Variants in CTSS observed in about 807,000 individuals in gnomAD.
CTSS encodes the protein cathepsin S.
Under a neutral mutation model 39.9 loss-of-function variants are expected in CTSS, and 15 were observed. The observed-to-expected ratio is 0.38, with a 90% CI of 0.25 to 0.58. CTSS has a LOEUF of 0.58. CTSS is among the 20% of genes least tolerant of loss of function. The pLI, the probability that CTSS is intolerant of heterozygous loss-of-function variation, is 0.70. For synonymous variants in CTSS, 126 were observed against 138.2 expected, an observed-to-expected ratio of 0.91 and a Z score of 0.62; for missense variants, 250 against 398.2, an observed-to-expected ratio of 0.63 and a Z score of 3.17.
intron 7 of CTSS, among the ~76,000 whole-genome samples, chr1:150,736,812 C>T (rs1030375211): frequency 6.6e-5 from 10 of 151,962 alleles, no homozygotes; most frequent in South Asian, 2.1e-4. Flanking sequence ...TATCTGAGGA[C>T]AAAGTCTTGC....
chr1:150,758,071 A>T lies in CTSS; in HGVS notation c.127-91T>A, dbSNP rs587631735. Reference sequence around the variant, plus strand: ...AATGGCAATTTTTTTTTTTTTTGAGATGGAGTCTCACTCTGTCACCCAAGC... The same window carrying T: ...AATGGCAATTTTTTTTTTTTTTGAGTTGGAGTCTCACTCTGTCACCCAAGC... On this transcript the variant is annotated intron_variant, in intron 2 of 7. Coordinates refer to ENST00000368985, the MANE Select transcript of CTSS (RefSeq NM_004079.5). 81 of 1,209,138 alleles carry T rather than the reference A, an allele frequency of 6.7e-5. 2 individuals are homozygous for T. The Middle Eastern group carries it at 1.3e-3, about 19-fold the overall frequency. 74.9% of individuals were successfully genotyped at this position (1,209,138 alleles called of 1,614,324 possible).
intron 1 of CTSS, among the ~76,000 whole-genome samples, chr1:150,765,131 G>T (rs1653345166): frequency 6.6e-6 from 1 of 150,962 alleles, no homozygotes; most frequent in Non-Finnish European, 1.5e-5. Flanking sequence ...CCTTAAGAGA[G>T]ACAAACCTCT....
intron 2 of CTSS, among the ~76,000 whole-genome samples, chr1:150,759,620 T>C (rs2101926071): frequency 6.6e-6 from 1 of 152,342 alleles, no homozygotes; most frequent in South Asian, 2.1e-4. Context: ...ATATATAGTC[T>C]TTTGAAAATT....
At chr1:150,757,708 C>T (rs11204722) in intron 3 of CTSS, 150 bp downstream of exon 3, 9 of 598,368 alleles carry the variant, frequency 1.5e-5, no homozygotes, top group African/African-American at 1.3e-4. Flanking sequence ...TTTCTGTACA[C>T]GTTCTTACGT....
Position 150,733,110 on chromosome 1 carries a change from C to A in CTSS, c.932G>T (p.Arg311Leu). The A allele has an allele frequency of 6.2e-7, 1 of 1,613,248 alleles. No individual in the cohort carries two copies. Among genetic ancestry groups the A allele is most frequent in the Non-Finnish European group, 8.5e-7 (1 of 1,179,602 alleles). ...ATGATTTCCTTTATTTCTTGCCATC[C>A]GAATATATCCTTCTTCACCAAAGTT... is the stretch of plus-strand genomic sequence containing the variant. ...GHNFGEEGYI[R>L]MARNKGNHCG... Residue 311 changes from arginine to leucine, a missense_variant, in exon 8 of 8, where the codon CGG becomes CTG. Coordinates refer to ENST00000368985, the MANE Select transcript of CTSS (RefSeq NM_004079.5).
chr1:150,733,572 A>G (rs1436117009), intron 7 of CTSS, among the ~76,000 whole-genome samples: 1 of 152,216 alleles, frequency 6.6e-6, no homozygotes, highest in East Asian at 1.9e-4. Flanking sequence ...TACTATGAAA[A>G]AGGTATAGGG....
At position 150,744,464 on chromosome 1, in the gene CTSS, AATATATTATATATTATAT is replaced by A. The variant is rs1375705047; in HGVS notation, c.896+3295_896+3312del. Among the ~76,000 whole-genome samples, 169 of 44,280 alleles carry A rather than the reference AATATATTATATATTATAT, an allele frequency of 3.8e-3. 8 individuals carry two copies. The highest frequency in any genetic ancestry group is 6.8e-3 in the Admixed American group (15 of 2,210). The allele number at this position is 44,280 out of a possible 152,430, so 29.0% of individuals were successfully genotyped here. A position where few individuals can be genotyped will look rare whatever the true frequency, so the allele number is the denominator to read the frequency against. The stretch of plus-strand genomic sequence containing the variant: ...TATTATATGTATATTATGTATACAT[AATATATTATATATTATAT>A]GTATATTATGTATACATAATATATT... On this transcript the variant is annotated intron_variant, in intron 7 of 7. Transcript: ENST00000368985.
chr1:150,749,329 A>G (rs1652956110), intron 6 of CTSS, among the ~76,000 whole-genome samples: 1 of 152,220 alleles, frequency 6.6e-6, no homozygotes, highest in Admixed American at 6.5e-5. Context: ...TCTGCTGAAC[A>G]CACAAATGAC....
Position 150,764,770 on chromosome 1 carries a change from T to G in CTSS, c.-1-6A>C. 1 of 1,613,556 alleles carries G rather than the reference T, an allele frequency of 6.2e-7. No homozygotes were observed. The highest frequency in any genetic ancestry group is 8.5e-7 in the Non-Finnish European group (1 of 1,179,622). ...CACAAACCAGCCGTTTCATTCTGTGTAAGGAAAGGTAACATAGGAAGTGTT... is the reference window on the plus strand; with the variant it reads ...CACAAACCAGCCGTTTCATTCTGTGGAAGGAAAGGTAACATAGGAAGTGTT... On this transcript the variant is annotated splice_polypyrimidine_tract_variant and splice_region_variant and intron_variant, in intron 1 of 7. Transcript: ENST00000368985.
intron 3 of CTSS, 149 bp downstream of exon 3, chr1:150,757,709 G>T: frequency 1.6e-6 from 1 of 622,340 alleles, no homozygotes. Context: ...TTCTGTACAC[G>T]TTCTTACGTC....
chr1:150,761,442 A>G (rs932252149), intron 2 of CTSS, among the ~76,000 whole-genome samples: 4 of 152,240 alleles, frequency 2.6e-5, no homozygotes, highest in African/African-American at 9.6e-5. Context: ...GAAACTGAAG[A>G]CAAAATAGGC....
chr1:150,761,856 C>A (rs936418828), intron 2 of CTSS, among the ~76,000 whole-genome samples: 3 of 152,106 alleles, frequency 2.0e-5, no homozygotes, highest in South Asian at 4.2e-4. Context: ...CTATCCAAAG[C>A]AAACTAGAAA....
chr1:150,761,215 A>G (rs1335851229), intron 2 of CTSS, among the ~76,000 whole-genome samples: 17 of 151,424 alleles, frequency 1.1e-4, no homozygotes, highest in Non-Finnish European at 2.1e-4. Context: ...GAAAGACTCC[A>G]TCAAAAAACT....
At chr1:150,745,746 G>A (rs1402809571) in intron 7 of CTSS, among the ~76,000 whole-genome samples, 1 of 152,046 alleles carries the variant, frequency 6.6e-6, no homozygotes, top group Non-Finnish European at 1.5e-5. Context: ...CAGAGGTCAG[G>A]GTGATTGTCC....
intron 7 of CTSS, among the ~76,000 whole-genome samples, chr1:150,739,079 A>C (rs1398554043): frequency 6.6e-6 from 1 of 152,124 alleles, no homozygotes; most frequent in African/African-American, 2.4e-5. Context: ...CTGTAATCCC[A>C]GTTACTCCGG....
chr1:150,742,083 T>G (rs923450062), intron 7 of CTSS, among the ~76,000 whole-genome samples: 4 of 151,516 alleles, frequency 2.6e-5, no homozygotes, highest in African/African-American at 9.7e-5. Context: ...ATGGTGAAAC[T>G]CCATCTCTAC....
In CTSS at chr1:150,732,852, T is replaced by C; in HGVS notation, c.*194A>G. ...TTTAACTCCTGGCCTCAAGTTGATA[T>C]GCCTGCCTTGGCCTCCCAAGTACTG... On this transcript the variant is annotated 3_prime_UTR_variant, in exon 8 of 8. Transcript: ENST00000368985. The C allele has an allele frequency of 2.5e-6, 1 of 397,412 alleles. No individual in the cohort carries two copies. The highest frequency in any genetic ancestry group is 4.5e-6 in the Non-Finnish European group (1 of 220,590). 24.6% of individuals were successfully genotyped at this position (397,412 alleles called of 1,614,324 possible).
chr1:150,761,453 C>T (rs974122564), intron 2 of CTSS, among the ~76,000 whole-genome samples: 1 of 151,902 alleles, frequency 6.6e-6, no homozygotes. Flanking sequence ...CAAAATAGGC[C>T]GGGCGTGGTG....
At chr1:150,737,432 C>T (rs1034272323) in intron 7 of CTSS, among the ~76,000 whole-genome samples, 2 of 152,064 alleles carry the variant, frequency 1.3e-5, no homozygotes, top group Non-Finnish European at 2.9e-5. Flanking sequence ...AAATGTATAG[C>T]GTTCTTCTAG....
Sources: gnomAD v4.1 joint callset for allele counts (sites outside exome capture counted in the v4.1 genomes callset) on GRCh38, gnomAD v4.1.1 for gene constraint, MANE v1.5 for transcripts, NCBI Gene and HGNC (gene_info 2026-07-23, HGNC 2026-07-21) for gene names.